DNPEP: variants seen among roughly 807,000 people sequenced by gnomAD.
The protein encoded by DNPEP is aspartyl aminopeptidase.
DNPEP carries 46 observed loss-of-function variants against 59.1 expected under a neutral mutation model. The observed-to-expected ratio is 0.78, with a 90% CI of 0.61 to 0.99. The LOEUF (loss-of-function observed/expected upper bound fraction) is 0.99, where lower values mean the gene tolerates loss of function less well. Ranked by LOEUF, DNPEP falls within the 50% of genes least tolerant of loss-of-function variation. The pLI is 0.00. For synonymous variants in DNPEP, 229 were observed against 242.2 expected (o/e 0.95, Z 0.50); for missense variants, 617 against 649.9 (o/e 0.95, Z 0.55).
At chr2:219,389,929 C>G (rs980920023), upstream of DNPEP, among the ~76,000 whole-genome samples, 1 of 152,126 alleles carries the variant, frequency 6.6e-6, no homozygotes, top group African/African-American at 2.4e-5. Context: ...GGGACACATT[C>G]AAGGAGGACA....
Position 219,381,328 on chromosome 2 carries a change from C to A in DNPEP, c.1239+7G>T, listed in dbSNP as rs773329293. ...ATCACACCTTCCCAGGCAGGGCCCA[C>A]CCTCACCTGCAGGGGGACCTTGACT... On this transcript the variant is annotated splice_region_variant and intron_variant, in intron 13 of 14. Transcript: ENST00000273075. 4 of 1,612,562 alleles carry A rather than the reference C, an allele frequency of 2.5e-6. No individual in the cohort carries two copies. The East Asian group carries it at 8.9e-5, about 36-fold the overall frequency.
chr2:219,381,266 G>A (rs1953583581), intron 13 of DNPEP, 69 bp downstream of exon 13: 2 of 1,385,898 alleles, frequency 1.4e-6, no homozygotes, highest in South Asian at 2.3e-5. Context: ...CTGTTCATGG[G>A]GGGCCCATCT....
rs59629509 is a variant in DNPEP at position 219,379,919 on chromosome 2, AAAATAAATAAAT to A, written c.1239+1404_1239+1415del. 4.0e-3 allele frequency among the ~76,000 whole-genome samples: 605 copies of A among 149,526 alleles called. 7 individuals carry two copies. The highest frequency in any genetic ancestry group is 0.01 in the Middle Eastern group (3 of 292). On this transcript the variant is annotated intron_variant, in intron 13 of 14. Transcript: ENST00000273075. Reference sequence around the variant, plus strand: ...GGTGACAGAGTGAGACTCCATCTCAAAAATAAATAAATAAATAAATAAATAAATAAAGTTAAA... The same window carrying A: ...GGTGACAGAGTGAGACTCCATCTCAAAAATAAATAAATAAATAAAGTTAAA...
Position 219,386,706 on chromosome 2 carries a change from A to G in DNPEP, c.292T>C (p.Phe98Leu), listed in dbSNP as rs1559340726. Residue 98 changes from phenylalanine to leucine, a missense_variant, in exon 4 of 15, where the codon TTC becomes CTC. Phe to Leu is a conservative substitution (Grantham distance 22). Transcript: ENST00000273075. ...TCCGTGTGGGCCCCGATGAGGCTGA[A>G]GCCATTGCCAGGAACGTACTGGCCC... ...VGGQYVPGNG[F>L]SLIGAHTDSP... is the part of the protein sequence containing the mutation. 1.9e-6 allele frequency: 3 copies of G among 1,613,054 alleles called. No homozygotes were observed. Among genetic ancestry groups the G allele is most frequent in the East Asian group, 2.2e-5 (1 of 44,868 alleles).
chr2:219,387,252 A>G, intron 1 of DNPEP, 89 bp from the exon 2 acceptor site: 2 of 1,517,628 alleles, frequency 1.3e-6, no homozygotes, highest in African/African-American at 2.8e-5. Flanking sequence ...CCCCACCCCC[A>G]GAAGTGACCA....
chr2:219,386,216 A>G (rs375367357), intron 5 of DNPEP, 70 bp downstream of exon 5: 10 of 1,610,824 alleles, frequency 6.2e-6, no homozygotes, highest in Non-Finnish European at 6.8e-6. Context: ...CCTCTTCCCC[A>G]CGGGTACCCT....
At chr2:219,399,616 G>T in intron 1 of DNPEP, 2 of 644,078 alleles carry the variant, frequency 3.1e-6, no homozygotes, top group Non-Finnish European at 5.7e-6. Flanking sequence ...GCAACGTGGA[G>T]AGAATAGGGC....
In DNPEP at chr2:219,372,668, TATA is replaced by T. The variant is rs1210840596; in HGVS notation, c.*1621_*1623del. On this transcript the variant is annotated 3_prime_UTR_variant, in exon 15 of 15. Transcript: ENST00000273075. ...AGGCATAAGCCACCGTGCCTGGCCA[TATA>T]ATGTTTTGAAGGTACTCCTTGTCCT... Among the ~76,000 whole-genome samples, 4 of 152,006 alleles carry T rather than the reference TATA, an allele frequency of 2.6e-5. No individual in the cohort carries two copies. Among genetic ancestry groups the T allele is most frequent in the Non-Finnish European group, 4.4e-5 (3 of 67,978 alleles).
In DNPEP at chr2:219,384,351, G is replaced by A. The variant is rs768999516; in HGVS notation, c.852+15C>T. The stretch of plus-strand genomic sequence containing the variant: ...CTGGTGGTTATGTGCTGCCTGGGGC[G>A]CCCCGGCTCCTCACCTGCAGGGCAC... On this transcript the variant is annotated intron_variant, in intron 9 of 14. Coordinates refer to ENST00000273075, the MANE Select transcript of DNPEP (RefSeq NM_012100.4). The A allele has an allele frequency of 5.0e-5, 80 of 1,601,780 alleles. No homozygotes were observed. Among genetic ancestry groups the A allele is most frequent in the African/African-American group, 6.7e-5 (5 of 74,466 alleles).
intron 13 of DNPEP, among the ~76,000 whole-genome samples, chr2:219,380,116 T>C (rs952352953): frequency 7.9e-5 from 12 of 151,788 alleles, no homozygotes; most frequent in Non-Finnish European, 1.8e-4. Flanking sequence ...TCGAGTGCCG[T>C]AAGCTCCATT....
At chr2:219,375,898 GA>G (rs1953353598) in intron 13 of DNPEP, among the ~76,000 whole-genome samples, 1 of 152,014 alleles carries the variant, frequency 6.6e-6, no homozygotes, top group South Asian at 2.1e-4. Context: ...TATGTCCATG[GA>G]AATGGACCCA....
Position 219,386,965 on chromosome 2 carries a change from C to A in DNPEP, c.146G>T (p.Arg49Leu), listed in dbSNP as rs371541382. ...PSPFHAVAEC[R>L]NRLLQAGFSE... ...GAAGCCAGCCTGGAGAAGGCGGTTG[C>A]GGCATTCAGCCACAGCTGTGGGAAA... The change falls in exon 3 of 15, where the codon CGC becomes CTC. Residue 49 changes from arginine to leucine, a missense_variant. By Grantham distance (102) the Arg-to-Leu change is moderately radical. Coordinates refer to ENST00000273075, the MANE Select transcript of DNPEP (RefSeq NM_012100.4). 2.5e-6 allele frequency: 4 copies of A among 1,613,772 alleles called. No individual in the cohort carries two copies. Among genetic ancestry groups the A allele is most frequent in the Non-Finnish European group, 3.4e-6 (4 of 1,179,956 alleles).
upstream of DNPEP, among the ~76,000 whole-genome samples, chr2:219,392,930 G>C (rs1205720162): frequency 6.6e-6 from 1 of 152,126 alleles, no homozygotes; most frequent in South Asian, 2.1e-4. Context: ...ACACCTTCAA[G>C]TTCCTGCTCT....
Position 219,374,039 on chromosome 2 carries a change from C to G in DNPEP, c.*253G>C. The G allele has an allele frequency of 6.3e-6, 3 of 477,806 alleles. No individual in the cohort carries two copies. Among genetic ancestry groups the G allele is most frequent in the South Asian group, 3.8e-5 (1 of 26,600 alleles). 29.6% of individuals were successfully genotyped at this position (477,806 alleles called of 1,614,324 possible). ...ACCCTTCACCCACTTCAGACATGGA[C>G]TTGAGACAGAGAAGAGATTTAAAAC... On this transcript the variant is annotated 3_prime_UTR_variant, in exon 15 of 15. Transcript: ENST00000273075.
At chr2:219,375,056 A>T (rs988599453) in intron 13 of DNPEP, 34 bp from the exon 14 acceptor site, 14 of 1,610,188 alleles carry the variant, frequency 8.7e-6, no homozygotes, top group Non-Finnish European at 1.2e-5. Flanking sequence ...AGCAACATGC[A>T]GTGTGTGCTT....
At chr2:219,385,847 G>T in intron 6 of DNPEP, 121 bp downstream of exon 6, 1 of 1,473,470 alleles carries the variant, frequency 6.8e-7, no homozygotes, top group Non-Finnish European at 9.2e-7. Context: ...AGGCTGTGAG[G>T]ACCCTTAGAA....
chr2:219,386,251 G>A, intron 5 of DNPEP, 35 bp downstream of exon 5: 1 of 1,613,808 alleles, frequency 6.2e-7, no homozygotes, highest in Non-Finnish European at 8.5e-7. Flanking sequence ...TCAGTCTTCT[G>A]AGGAGGCTCC....
At chr2:219,390,308 C>G (rs1401057713), upstream of DNPEP, among the ~76,000 whole-genome samples, 1 of 151,918 alleles carries the variant, frequency 6.6e-6, no homozygotes. Flanking sequence ...TCTAGAATCC[C>G]CAAGAAAATA....
intron 5 of DNPEP, 34 bp from the exon 6 acceptor site, chr2:219,386,132 C>T: frequency 6.2e-7 from 1 of 1,612,326 alleles, no homozygotes; most frequent in Non-Finnish European, 8.5e-7. Flanking sequence ...GCCCAGGGTG[C>T]CTCCTACCCC....
Sources: allele counts gnomAD v4.1 joint callset (sites outside exome capture counted in the v4.1 genomes callset), GRCh38; gene constraint gnomAD v4.1.1; transcripts MANE v1.5; gene names NCBI Gene and HGNC (gene_info 2026-07-23, HGNC 2026-07-21).